EPHA6: variants seen among roughly 807,000 people sequenced by gnomAD.
EPHA6 encodes the protein EPH receptor A6, also known as ephrin type-A receptor 6.
A neutral mutation model predicts 112.0 loss-of-function variants in EPHA6; 50 were observed. The ratio of observed to expected loss-of-function variants is 0.45; its 90% CI spans 0.36 to 0.56. The LOEUF is 0.56. EPHA6 is among the 20% of genes least tolerant of loss of function. The pLI is 0.00. For synonymous variants in EPHA6, 529 were observed against 490.7 expected (o/e 1.08, Z -1.03); for missense variants, 1,280 against 1,417.4 (o/e 0.90, Z 1.56).
At chr3:97,546,759 C>T (rs1223680252) in intron 11 of EPHA6, among the ~76,000 whole-genome samples, 1 of 152,124 alleles carries the variant, frequency 6.6e-6, no homozygotes, top group Non-Finnish European at 1.5e-5. Flanking sequence ...AAGCTTTGTT[C>T]ATTTCTTTTT....
At chr3:97,684,530 T>G (rs1386749598) in intron 14 of EPHA6, among the ~76,000 whole-genome samples, 1 of 152,208 alleles carries the variant, frequency 6.6e-6, no homozygotes, top group Non-Finnish European at 1.5e-5. Context: ...TACATTTATT[T>G]GGAATTCAGT....
At chr3:97,436,589 G>A (rs748272967) in intron 6 of EPHA6, among the ~76,000 whole-genome samples, 5 of 152,082 alleles carry the variant, frequency 3.3e-5, no homozygotes, top group Non-Finnish European at 7.4e-5. Context: ...TTTTGTGGCC[G>A]ATTTGGACAA....
intron 2 of EPHA6, among the ~76,000 whole-genome samples, chr3:96,908,174 G>A (rs975766416): frequency 3.3e-5 from 5 of 151,974 alleles, no homozygotes; most frequent in African/African-American, 1.2e-4. Flanking sequence ...TGGTATACCT[G>A]CACAGGGAAG....
At chr3:96,907,765 A>G (rs2039011453) in intron 2 of EPHA6, among the ~76,000 whole-genome samples, 1 of 151,898 alleles carries the variant, frequency 6.6e-6, no homozygotes, top group Non-Finnish European at 1.5e-5. Context: ...AATAATTTAC[A>G]ACATACCTTG....
Position 96,882,738 on chromosome 3 carries a change from G to T in EPHA6, c.450+15849G>T, listed in dbSNP as rs1407308166. Among the ~76,000 whole-genome samples the T allele has an allele frequency of 2.9e-5, 4 of 136,066 alleles. No homozygotes were observed. The Admixed American group carries it at 3.1e-4, about 10-fold the overall frequency. The allele number at this position is 136,066 out of a possible 152,430, so 89.3% of individuals were successfully genotyped here. A position where few individuals can be genotyped will look rare whatever the true frequency, so the allele number is the denominator to read the frequency against. On this transcript the variant is annotated intron_variant, in intron 2 of 17. Coordinates refer to ENST00000389672, the MANE Select transcript of EPHA6 (RefSeq NM_001080448.3). ...AGTATTCCATTGTGTGTCTGTGTGT[G>T]TGTGTGTGTGTGTGTGTGTGTGTGT...
chr3:96,900,292 G>A (rs1392438477), intron 2 of EPHA6, among the ~76,000 whole-genome samples: 1 of 152,198 alleles, frequency 6.6e-6, no homozygotes, highest in Non-Finnish European at 1.5e-5. Context: ...TACTAAGGCA[G>A]TGGGATGACT....
intron 2 of EPHA6, among the ~76,000 whole-genome samples, chr3:96,970,825 A>T (rs1218529023): frequency 1.3e-5 from 2 of 152,126 alleles, no homozygotes; most frequent in Non-Finnish European, 2.9e-5. Context: ...GTAAACTCAG[A>T]TGAGTCAATT....
chr3:97,085,799 A>G (rs760290060), intron 3 of EPHA6, among the ~76,000 whole-genome samples: 2 of 151,832 alleles, frequency 1.3e-5, no homozygotes, highest in Admixed American at 6.6e-5. Context: ...TTCTTAAACT[A>G]CTTTTCATCT....
At chr3:97,227,222 CTT>C (rs200109335) in intron 4 of EPHA6, among the ~76,000 whole-genome samples, 6 of 135,284 alleles carry the variant, frequency 4.4e-5, no homozygotes, top group East Asian at 2.1e-4. Flanking sequence ...GTAGAGGAGA[CTT>C]TTTTTTTTTT....
At chr3:97,473,226 C>T (rs72928274) in intron 7 of EPHA6, among the ~76,000 whole-genome samples, 28,703 of 151,512 alleles carry the variant, frequency 0.19, 4,097 homozygotes, top group African/African-American at 0.38. Context: ...GTATTTAACA[C>T]ATTTTATTCT....
At chr3:97,351,283 C>T (rs1247933677) in intron 5 of EPHA6, among the ~76,000 whole-genome samples, 1 of 152,190 alleles carries the variant, frequency 6.6e-6, no homozygotes, top group African/African-American at 2.4e-5. Context: ...GGCCAACCTT[C>T]AACTCAGAAG....
rs562177264 is a variant in EPHA6 at position 97,006,267 on chromosome 3, G to A, written c.1114+18274G>A. Among the ~76,000 whole-genome samples the A allele has an allele frequency of 2.8e-4, 43 of 152,168 alleles. 1 individual carries two copies. In the South Asian group the frequency reaches 7.9e-3, roughly 28 times the overall value. On this transcript the variant is annotated intron_variant, in intron 3 of 17. Coordinates refer to ENST00000389672, the MANE Select transcript of EPHA6 (RefSeq NM_001080448.3). ...AGTCCTGGGCTTTTTTTGGTTGGTA[G>A]GCTATTAATTACTGCCTCAATTTAA... is the stretch of plus-strand genomic sequence containing the variant.
intron 3 of EPHA6, among the ~76,000 whole-genome samples, chr3:97,170,362 C>T (rs572040343): frequency 7.9e-5 from 12 of 152,050 alleles, no homozygotes; most frequent in African/African-American, 1.7e-4. Flanking sequence ...ATACCTGGGG[C>T]GTAATCTGCA....
At chr3:97,079,900 G>T (rs1398436708) in intron 3 of EPHA6, among the ~76,000 whole-genome samples, 19 of 137,624 alleles carry the variant, frequency 1.4e-4, no homozygotes, top group South Asian at 4.8e-4. Context: ...TGATTGTTAG[G>T]TTTTTTTTTT....
intron 15 of EPHA6, among the ~76,000 whole-genome samples, chr3:97,735,145 T>A (rs1368243770): frequency 6.6e-6 from 1 of 152,012 alleles, no homozygotes; most frequent in Non-Finnish European, 1.5e-5. Context: ...GAAAATTCAG[T>A]TTCTTCATTC....
chr3:97,433,068 A>G (rs2089613749), intron 6 of EPHA6, among the ~76,000 whole-genome samples: 1 of 152,166 alleles, frequency 6.6e-6, no homozygotes, highest in Non-Finnish European at 1.5e-5. Flanking sequence ...CTTTTCATCT[A>G]CGGCATAGAT....
chr3:97,528,318 A>C (rs372098883), intron 10 of EPHA6, among the ~76,000 whole-genome samples: 106 of 152,212 alleles, frequency 7.0e-4, no homozygotes, highest in African/African-American at 2.2e-3. Flanking sequence ...TTTTACAGTT[A>C]AAAGGGCCTG....
chr3:97,366,828 A>G (rs1422728531), intron 5 of EPHA6, among the ~76,000 whole-genome samples: 1 of 152,148 alleles, frequency 6.6e-6, no homozygotes, highest in Non-Finnish European at 1.5e-5. Flanking sequence ...TTGTTTGAAA[A>G]CGGCATACCC....
At chr3:96,949,911 G>A (rs986264167) in intron 2 of EPHA6, among the ~76,000 whole-genome samples, 12 of 151,994 alleles carry the variant, frequency 7.9e-5, no homozygotes, top group Non-Finnish European at 1.6e-4. Context: ...ATTGACTACC[G>A]AAAATTAAAG....
Sources: gnomAD v4.1 joint callset for allele counts (sites outside exome capture counted in the v4.1 genomes callset) on GRCh38, gnomAD v4.1.1 for gene constraint, MANE v1.5 for transcripts, NCBI Gene and HGNC (gene_info 2026-07-23, HGNC 2026-07-21) for gene names.